TRAK1: variants seen among roughly 807,000 people sequenced by gnomAD.
The protein encoded by TRAK1 is trafficking kinesin protein 1.
A neutral mutation model predicts 92.1 loss-of-function variants in TRAK1; 33 were observed. The ratio of observed to expected loss-of-function variants is 0.36; its 90% CI spans 0.27 to 0.48. The LOEUF (loss-of-function observed/expected upper bound fraction) is 0.48, where lower values mean the gene tolerates loss of function less well. TRAK1 is among the 20% of genes least tolerant of loss of function. TRAK1 has a pLI of 0.99. For synonymous variants in TRAK1, 521 were observed against 517.3 expected (o/e 1.01, Z -0.10); for missense variants, 1,123 against 1,257.9 (o/e 0.89, Z 1.62).
In TRAK1 at chr3:42,075,965, C is replaced by T. The variant is rs537202417; in HGVS notation, c.-518-11139C>T. 1.3e-4 allele frequency among the ~76,000 whole-genome samples: 20 copies of T among 152,164 alleles called. 1 individual carries two copies. In the East Asian group the frequency reaches 3.9e-3, roughly 29 times the overall value. On this transcript the variant is annotated intron_variant, in intron 1 of 16. Coordinates refer to the TRAK1 transcript ENST00000487159. ...TCAAGCAGTTCTCTTGCCTCAGCCT[C>T]CCGAGTATCTGGGATTACAGGTGCC...
In TRAK1 at chr3:42,054,849, C is replaced by T. The variant is rs776316304; in HGVS notation, c.-518-32255C>T. Among the ~76,000 whole-genome samples the T allele has an allele frequency of 9.2e-4, 134 of 145,792 alleles. 2 individuals carry two copies. In the Admixed American group the frequency reaches 9.3e-3, roughly 10 times the overall value. On this transcript the variant is annotated intron_variant, in intron 1 of 16. Transcript: ENST00000487159. ...TGTTAATAATACAGCTGTGTATGCC[C>T]AAAGCTGTAGACTTAAATTTTTTTT...
At chr3:42,101,633 C>T (rs1231648980) in intron 1 of TRAK1, among the ~76,000 whole-genome samples, 1 of 152,230 alleles carries the variant, frequency 6.6e-6, no homozygotes, top group Non-Finnish European at 1.5e-5. Context: ...AACTGCTTGT[C>T]TCTGCTGTTG....
rs115969494 is a variant in TRAK1, at chr3:42,162,476, C to T, written c.287-14338C>T. 1.4e-3 allele frequency among the ~76,000 whole-genome samples: 220 copies of T among 152,082 alleles called. 1 individual carries two copies. The highest frequency in any genetic ancestry group is 5.1e-3 in the African/African-American group (211 of 41,466). ...GGCTCAGTATAGACCGAGAATGTGT[C>T]CTGAAGTAGACGGCTTGAGACACCA... On this transcript the variant is annotated intron_variant, in intron 2 of 15. Transcript: ENST00000327628.
upstream of TRAK1, chr3:42,091,342 C>T: frequency 1.2e-6 from 1 of 800,468 alleles, no homozygotes; most frequent in East Asian, 2.7e-5. Flanking sequence ...AGGATTTGCC[C>T]TAACAAGCAA....
intron 1 of TRAK1, among the ~76,000 whole-genome samples, chr3:42,123,558 A>G (rs1710183249): frequency 6.6e-6 from 1 of 152,244 alleles, no homozygotes; most frequent in South Asian, 2.1e-4. Flanking sequence ...ACATGCACGC[A>G]TGTGCGAGTG....
At chr3:42,170,248 A>T (rs2149338611) in intron 2 of TRAK1, among the ~76,000 whole-genome samples, 1 of 152,306 alleles carries the variant, frequency 6.6e-6, no homozygotes, top group South Asian at 2.1e-4. Context: ...CCTTTAAAGG[A>T]CATCTATTTT....
Position 42,101,539 on chromosome 3 carries a change from C to T in TRAK1, c.91+9979C>T, listed in dbSNP as rs371834995. The stretch of plus-strand genomic sequence containing the variant: ...GAGGAGGGGAAGGACATGACTCTTA[C>T]GGCCTAGAGCAGGAGTTGGCAAACT... On this transcript the variant is annotated intron_variant, in intron 1 of 15. Transcript: ENST00000327628. Among the ~76,000 whole-genome samples the T allele has an allele frequency of 1.4e-4, 21 of 152,236 alleles. No individual in the cohort carries two copies. The South Asian group carries it at 3.3e-3, about 24-fold the overall frequency.
At chr3:42,090,251 A>G (rs545344316), upstream of TRAK1, among the ~76,000 whole-genome samples, 2 of 152,216 alleles carry the variant, frequency 1.3e-5, no homozygotes, top group African/African-American at 4.8e-5. Context: ...CCGCATCTAC[A>G]TTTGTCCAAA....
intron 1 of TRAK1, among the ~76,000 whole-genome samples, chr3:42,112,676 A>G (rs1708594493): frequency 1.5e-3 from 1 of 662 alleles, no homozygotes; most frequent in South Asian, 0.071. Context: ...TGGAGGTTGC[A>G]GTTAGGCCAA....
At chr3:42,119,375 G>A (rs79397344) in intron 1 of TRAK1, among the ~76,000 whole-genome samples, 4,215 of 152,202 alleles carry the variant, frequency 0.028, 216 homozygotes, top group African/African-American at 0.096. Flanking sequence ...TGAAAAAAAT[G>A]TGTTTGGAAA....
rs1397020790 is a variant in TRAK1 at position 42,184,725 on chromosome 3, C to T, written c.404C>T (p.Ser135Leu). Residue 135 changes from serine (S) to leucine (L), a missense_variant, in exon 4 of 16, where the codon TCG becomes TTG. By Grantham distance (145) the Ser-to-Leu change is moderately radical. Around this residue, in one of 3 missense-constraint regions of TRAK1, gnomAD observed 686 missense variants for 747.6 expected, o/e 0.92. Transcript: ENST00000327628. ...DLELAARIGQ[S>L]LLKKNKTLTE... ...GAATTGGCCGCTCGCATCGGCCAGTCGTTGTTGAAGAAGAACAAGACCCTA... is the reference window on the plus strand; with the variant it reads ...GAATTGGCCGCTCGCATCGGCCAGTTGTTGTTGAAGAAGAACAAGACCCTA... 1.2e-6 allele frequency: 2 copies of T among 1,614,112 alleles called. No individual in the cohort carries two copies. Among genetic ancestry groups the T allele is most frequent in the Non-Finnish European group, 1.7e-6 (2 of 1,180,008 alleles).
intron 1 of TRAK1, among the ~76,000 whole-genome samples, chr3:42,038,802 A>AAT (rs1559714995): frequency 4.7e-5 from 5 of 105,970 alleles, no homozygotes; most frequent in African/African-American, 1.5e-4. Context: ...AAAAAAAAAA[A>AAT]GTTTTTTTTT....
chr3:42,069,592 T>C (rs1213686671), intron 1 of TRAK1, among the ~76,000 whole-genome samples: 5 of 152,206 alleles, frequency 3.3e-5, no homozygotes, highest in African/African-American at 1.2e-4. Flanking sequence ...TACTTTGTTT[T>C]GTGACCTGCA....
chr3:42,148,640 A>G (rs1699606748), intron 2 of TRAK1, among the ~76,000 whole-genome samples: 1 of 152,188 alleles, frequency 6.6e-6, no homozygotes, highest in Admixed American at 6.5e-5. Flanking sequence ...ATGAAACAGC[A>G]TATTGTACTG....
intron 2 of TRAK1, among the ~76,000 whole-genome samples, chr3:42,152,071 G>A (rs191598962): frequency 1.3e-5 from 2 of 152,298 alleles, no homozygotes; most frequent in East Asian, 3.9e-4. Flanking sequence ...TTGGAATTAA[G>A]GGATAGCTAC....
At chr3:42,049,441 A>ATTAT (rs1313454718) in intron 1 of TRAK1, among the ~76,000 whole-genome samples, 1 of 151,786 alleles carries the variant, frequency 6.6e-6, no homozygotes, top group Admixed American at 6.6e-5. Flanking sequence ...ATTTTTTAAA[A>ATTAT]TTATTTATTT....
At chr3:42,189,257 C>A in intron 6 of TRAK1, 133 bp downstream of exon 6, 1 of 653,148 alleles carries the variant, frequency 1.5e-6, no homozygotes, top group Non-Finnish European at 2.7e-6. Context: ...AGGCGCTCGG[C>A]AGATGTGCCT....
rs779718222 is a variant in TRAK1, at chr3:42,219,583, C to A, written c.2053C>A (p.Arg685=). The A allele has an allele frequency of 1.7e-6, 2 of 1,193,786 alleles. No homozygotes were observed. The highest frequency in any genetic ancestry group is 2.3e-6 in the Non-Finnish European group (2 of 867,700). The allele number at this position is 1,193,786 out of a possible 1,614,324, so 73.9% of individuals were successfully genotyped here. A position where few individuals can be genotyped will look rare whatever the true frequency, so the allele number is the denominator to read the frequency against. ...RILHPSDELT[R]VTPSLNSAPT... is the part of the protein sequence containing the mutation. ...CCTGCATCCTTCAGATGAGCTCACT[C>A]GGGTCACACCAAGGTAAGGGACCCT... is the stretch of plus-strand genomic sequence containing the variant. The change falls in exon 15 of 16, where the codon CGG becomes AGG. Residue 685 remains arginine (R), a synonymous_variant. Transcript: ENST00000327628.
intron 1 of TRAK1, among the ~76,000 whole-genome samples, chr3:42,033,068 G>C (rs944978808): frequency 9.2e-5 from 14 of 152,156 alleles, no homozygotes; most frequent in African/African-American, 3.4e-4. Flanking sequence ...GTTTGTTCTG[G>C]AAGTATTAGC....
Sources: allele counts gnomAD v4.1 joint callset (sites outside exome capture counted in the v4.1 genomes callset), GRCh38; gene constraint gnomAD v4.1.1; regional missense constraint gnomAD v4.1.1; transcripts MANE v1.5; gene names NCBI Gene and HGNC (gene_info 2026-07-23, HGNC 2026-07-21).